ST18: variants seen among roughly 807,000 people sequenced by gnomAD.
ST18 encodes the protein suppression of tumorigenicity 18 protein.
ST18 carries 50 observed loss-of-function variants against 110.0 expected under a neutral mutation model. The ratio of observed to expected loss-of-function variants is 0.45; its 90% CI spans 0.36 to 0.58. The LOEUF (loss-of-function observed/expected upper bound fraction) is 0.58. Among genes scored for constraint, ST18 ranks in the 20% least tolerant of loss-of-function variants. ST18 has a pLI of 0.00. For missense variants in ST18, 1,306 were observed against 1,280.1 expected (o/e 1.02, Z -0.31); for synonymous variants, 461 against 452.4 (o/e 1.02, Z -0.24).
At chr8:52,364,192 T>C (rs924902270) in intron 2 of ST18, among the ~76,000 whole-genome samples, 1 of 152,250 alleles carries the variant, frequency 6.6e-6, no homozygotes, top group Non-Finnish European at 1.5e-5. Context: ...TGACTCATCA[T>C]TGCATGGGTT....
intron 8 of ST18, chr8:52,200,960 A>G (rs2077764560): frequency 6.6e-6 from 1 of 152,248 alleles, no homozygotes; most frequent in Non-Finnish European, 1.5e-5. Flanking sequence ...AAATTCAGGA[A>G]AGAGAGGAGT....
At chr8:52,250,214 A>G (rs2138233057) in intron 2 of ST18, among the ~76,000 whole-genome samples, 1 of 152,106 alleles carries the variant, frequency 6.6e-6, no homozygotes, top group East Asian at 1.9e-4. Context: ...GGAGAAGGGG[A>G]GGAGGTCACT....
At chr8:52,394,112 C>G (rs1002904781) in intron 2 of ST18, among the ~76,000 whole-genome samples, 2 of 152,090 alleles carry the variant, frequency 1.3e-5, no homozygotes, top group Non-Finnish European at 2.9e-5. Context: ...ACCAGAATGT[C>G]ACACAGGCAC....
At chr8:52,280,590 C>A (rs190803270) in intron 2 of ST18, among the ~76,000 whole-genome samples, 1 of 151,978 alleles carries the variant, frequency 6.6e-6, no homozygotes, top group African/African-American at 2.4e-5. Context: ...AAAATTGATT[C>A]AAAAGCAAAG....
rs1370947820 is a variant in ST18, at chr8:52,166,865, C to T, written c.1191G>A (p.Arg397=). ...AGTGGTACTCACTTTCCAGGGGAAC[C>T]CGCACTTTGTGGGGGCACCCCGAAA... ...RSLSGCPHKV[R]VPLEILAMHE... The change falls in exon 11 of 26, where the codon CGG becomes CGA. Residue 397 remains arginine (R), a synonymous_variant. Transcript: ENST00000689386. The T allele has an allele frequency of 6.3e-7, 1 of 1,589,616 alleles. No homozygotes were observed. Among genetic ancestry groups the T allele is most frequent in the Non-Finnish European group, 8.6e-7 (1 of 1,162,396 alleles).
At chr8:52,342,230 C>A (rs11992290) in intron 2 of ST18, among the ~76,000 whole-genome samples, 22,815 of 151,736 alleles carry the variant, frequency 0.15, 3,711 homozygotes, top group African/African-American at 0.4. Flanking sequence ...TTTTACTTGT[C>A]AATTTAAAAA....
chr8:52,279,963 T>C (rs2095344199), intron 2 of ST18, among the ~76,000 whole-genome samples: 1 of 152,130 alleles, frequency 6.6e-6, no homozygotes, highest in Non-Finnish European at 1.5e-5. Flanking sequence ...GCTAAACAGA[T>C]ACCAATGCTA....
At chr8:52,294,983 C>T (rs2095609872) in intron 2 of ST18, among the ~76,000 whole-genome samples, 1 of 152,092 alleles carries the variant, frequency 6.6e-6, no homozygotes, top group Non-Finnish European at 1.5e-5. Flanking sequence ...ACATGCTTGC[C>T]GTTTGTAAGA....
intron 22 of ST18, 22 bp from the exon 23 acceptor site, chr8:52,126,162 T>C: frequency 6.3e-7 from 1 of 1,597,134 alleles, no homozygotes; most frequent in Non-Finnish European, 8.6e-7. Context: ...GAAATTGTAC[T>C]AATGTATGAA....
At chr8:52,274,113 G>T (rs2095162070) in intron 2 of ST18, among the ~76,000 whole-genome samples, 1 of 152,086 alleles carries the variant, frequency 6.6e-6, no homozygotes, top group African/African-American at 2.4e-5. Flanking sequence ...TTTAAAAGAA[G>T]CTAAAGAAGA....
At chr8:52,134,718 T>G (rs550206931) in intron 19 of ST18, among the ~76,000 whole-genome samples, 1 of 152,338 alleles carries the variant, frequency 6.6e-6, no homozygotes, top group South Asian at 2.1e-4. Flanking sequence ...AATATGTATC[T>G]TCCATTATAA....
At chr8:52,383,535 G>A (rs893345907) in intron 2 of ST18, among the ~76,000 whole-genome samples, 1 of 150,534 alleles carries the variant, frequency 6.6e-6, no homozygotes, top group Admixed American at 6.6e-5. Flanking sequence ...TGCAACCTCT[G>A]CCTCCCGGGT....
chr8:52,156,154 A>G (rs2132851873), intron 15 of ST18, among the ~76,000 whole-genome samples: 1 of 152,324 alleles, frequency 6.6e-6, no homozygotes, highest in Admixed American at 6.5e-5. Context: ...GACAGCTCCC[A>G]GAGGGTCACT....
At chr8:52,215,703 C>T (rs572529411) in intron 6 of ST18, among the ~76,000 whole-genome samples, 9 of 152,208 alleles carry the variant, frequency 5.9e-5, no homozygotes, top group Admixed American at 1.3e-4. Flanking sequence ...ACAATAAAAC[C>T]GGGGTGATTT....
At chr8:52,323,185 TA>T (rs1229324319) in intron 2 of ST18, among the ~76,000 whole-genome samples, 2 of 152,336 alleles carry the variant, frequency 1.3e-5, no homozygotes, top group East Asian at 3.9e-4. Context: ...ATGAATTTTT[TA>T]AAAATCACAT....
At chr8:52,231,831 T>C (rs1444882086) in intron 2 of ST18, among the ~76,000 whole-genome samples, 4 of 152,146 alleles carry the variant, frequency 2.6e-5, no homozygotes, top group African/African-American at 9.7e-5. Context: ...CTCACAAGGG[T>C]CCAGGTTCTC....
intron 2 of ST18, among the ~76,000 whole-genome samples, chr8:52,318,100 A>T (rs1481494556): frequency 6.6e-6 from 1 of 152,236 alleles, no homozygotes; most frequent in Non-Finnish European, 1.5e-5. Flanking sequence ...CACAACCTAC[A>T]GAATGGGAGA....
intron 2 of ST18, among the ~76,000 whole-genome samples, chr8:52,251,912 T>C (rs1412508033): frequency 6.6e-6 from 1 of 152,082 alleles, no homozygotes; most frequent in Admixed American, 6.6e-5. Flanking sequence ...CTATTCTTTT[T>C]GCATTTCATA....
Position 52,142,930 on chromosome 8 carries a change from G to A in ST18, c.2168C>T (p.Thr723Ile), listed in dbSNP as rs763544157. ...GGGCATGGCATTGGGCACCACTTAC[G>A]TGATTAGTTCCTTTTTGAGATCTCT... ...HARDLKKELI[T>I]CPTPGCDGSG... is the part of the protein sequence containing the mutation. Residue 723 changes from threonine to isoleucine, a missense_variant and splice_region_variant, in exon 17 of 26, where the codon ACC (threonine) becomes ATC (isoleucine). Coordinates refer to ENST00000689386, the MANE Select transcript of ST18 (RefSeq NM_001352837.2). 60 of 1,607,048 alleles carry A rather than the reference G, an allele frequency of 3.7e-5. No individual in the cohort carries two copies. The highest frequency in any genetic ancestry group is 3.3e-4 in the Admixed American group (20 of 59,968).
Sources: allele counts gnomAD v4.1 joint callset (sites outside exome capture counted in the v4.1 genomes callset), GRCh38; gene constraint gnomAD v4.1.1; transcripts MANE v1.5; gene names NCBI Gene and HGNC (gene_info 2026-07-23, HGNC 2026-07-21).